TNKS: variants seen among roughly 807,000 people sequenced by gnomAD.
TNKS encodes poly [ADP-ribose] polymerase tankyrase-1.
Under a neutral mutation model 135.8 loss-of-function variants are expected in TNKS, and 72 were observed. The ratio of observed to expected loss-of-function variants is 0.53; its 90% CI spans 0.44 to 0.64. The LOEUF (loss-of-function observed/expected upper bound fraction) is 0.64, where lower values mean the gene tolerates loss of function less well. Among genes scored for constraint, TNKS ranks in the 30% least tolerant of loss-of-function variants. The probability of loss-of-function intolerance (pLI) is 0.00; values close to 1 mark genes in which losing one functional copy is unlikely to be tolerated. For synonymous variants in TNKS, 849 were observed against 649.3 expected (o/e 1.31, Z -4.68); for missense variants, 1,769 against 1,674.0 (o/e 1.06, Z -0.99).
chr8:9,751,946 G>T, intron 19 of TNKS, 100 bp downstream of exon 19: 1 of 1,025,774 alleles, frequency 9.7e-7, no homozygotes. Context: ...AATTAGAGAC[G>T]TCCTGTCTGT....
chr8:9,666,945 A>G (rs944313840), intron 3 of TNKS, among the ~76,000 whole-genome samples: 1 of 152,166 alleles, frequency 6.6e-6, no homozygotes, highest in Admixed American at 6.5e-5. Flanking sequence ...AAGAAATTCT[A>G]TCAAGAAAAG....
rs1805648959 is a variant in TNKS at position 9,735,436 on chromosome 8, G to T, written c.2593G>T (p.Ala865Ser). Residue 865 changes from alanine to serine, a missense_variant, in exon 17 of 27, where the codon GCC (alanine) becomes TCC (serine). Ala to Ser is a moderately conservative substitution (Grantham distance 99, BLOSUM62 1). Around this residue, in one of 5 missense-constraint regions of TNKS, gnomAD observed 722 missense variants for 688.9 expected, o/e 1.05. Transcript: ENST00000310430. ...TCTAGAGCATGGAGCTGATGTTAAT[G>T]CCCAGGACAAGGGTGGTTTAATTCC... ...YLLEHGADVN[A>S]QDKGGLIPLH... 1 of 1,613,958 alleles carries T rather than the reference G, an allele frequency of 6.2e-7. No individual in the cohort carries two copies. Among genetic ancestry groups the T allele is most frequent in the African/African-American group, 1.3e-5 (1 of 74,892 alleles).
intron 1 of TNKS, among the ~76,000 whole-genome samples, chr8:9,577,965 A>G (rs946678884): frequency 1.3e-5 from 2 of 152,198 alleles, no homozygotes; most frequent in African/African-American, 4.8e-5. Context: ...GGAGAAATCA[A>G]CCAAAACAAA....
chr8:9,730,859 T>G, intron 13 of TNKS, 31 bp from the exon 14 acceptor site: 5 of 1,592,220 alleles, frequency 3.1e-6, no homozygotes, highest in Non-Finnish European at 3.4e-6. Context: ...ATGTTCGTTT[T>G]GTGTTTGTCT....
intron 13 of TNKS, among the ~76,000 whole-genome samples, chr8:9,729,728 T>C (rs1319808211): frequency 1.3e-5 from 2 of 151,986 alleles, no homozygotes; most frequent in African/African-American, 4.8e-5. Flanking sequence ...TCTATCAACT[T>C]CTTAGACATA....
chr8:9,704,862 A>C (rs1803977634), intron 6 of TNKS, 105 bp downstream of exon 6: 1 of 782,448 alleles, frequency 1.3e-6, no homozygotes, highest in Non-Finnish European at 2.0e-6. Flanking sequence ...TACGGCTTAC[A>C]TAACGTTTTA....
At chr8:9,562,612 T>C (rs1263211130) in intron 1 of TNKS, among the ~76,000 whole-genome samples, 2 of 152,208 alleles carry the variant, frequency 1.3e-5, no homozygotes, top group East Asian at 3.8e-4. Flanking sequence ...TAAGACATTC[T>C]GACAATCTGT....
chr8:9,657,225 ACGGGGCGGC>A (rs1379731449), intron 3 of TNKS, among the ~76,000 whole-genome samples: 1 of 125,340 alleles, frequency 8.0e-6, no homozygotes, highest in Non-Finnish European at 1.8e-5. Context: ...CACCTCCCGG[ACGGGGCGGC>A]TGGCCGGGCG....
intron 4 of TNKS, 72 bp downstream of exon 4, chr8:9,680,059 T>C (rs1166561214): frequency 1.8e-6 from 2 of 1,084,610 alleles, no homozygotes; most frequent in Non-Finnish European, 2.8e-6. Context: ...GGTGGAGGAC[T>C]ATAAAAAATA....
intron 1 of TNKS, among the ~76,000 whole-genome samples, chr8:9,569,952 T>A (rs1031826760): frequency 6.6e-6 from 1 of 152,202 alleles, no homozygotes; most frequent in African/African-American, 2.4e-5. Flanking sequence ...GCCTTAAATT[T>A]TTTTTGTTTG....
intron 13 of TNKS, 36 bp from the exon 14 acceptor site, chr8:9,730,854 C>A: frequency 6.3e-7 from 1 of 1,586,812 alleles, no homozygotes; most frequent in South Asian, 1.1e-5. Context: ...GAGTAATGTT[C>A]GTTTTGTGTT....
rs80242256 is a variant in TNKS, at chr8:9,563,169, G to C, written c.673+6557G>C. 2.0e-3 allele frequency among the ~76,000 whole-genome samples: 299 copies of C among 151,954 alleles called. 1 individual carries two copies. The highest frequency in any genetic ancestry group is 6.8e-3 in the African/African-American group (282 of 41,466). On this transcript the variant is annotated intron_variant, in intron 1 of 26. Transcript: ENST00000310430. The stretch of plus-strand genomic sequence containing the variant: ...GCCATGTTATGCAGCCATCACCATT[G>C]TCCATTTCCAGAACATTTTTTGTCA...
At chr8:9,581,017 T>C (rs1032593304) in intron 2 of TNKS, among the ~76,000 whole-genome samples, 3 of 152,220 alleles carry the variant, frequency 2.0e-5, no homozygotes, top group African/African-American at 7.2e-5. Flanking sequence ...AAAAAGCTTC[T>C]AGAGGGCAAG....
intron 12 of TNKS, among the ~76,000 whole-genome samples, chr8:9,723,792 C>A (rs949408711): frequency 6.6e-6 from 1 of 152,202 alleles, no homozygotes; most frequent in South Asian, 2.1e-4. Flanking sequence ...AACACTATTT[C>A]TAGCACCACA....
chr8:9,575,880 G>A, intron 1 of TNKS, among the ~76,000 whole-genome samples: 1 of 152,194 alleles, frequency 6.6e-6, no homozygotes, highest in Non-Finnish European at 1.5e-5. Context: ...AAGAAGTGTA[G>A]TGGTAGGAAA....
At chr8:9,749,797 C>G (rs1806425279) in intron 18 of TNKS, among the ~76,000 whole-genome samples, 1 of 152,102 alleles carries the variant, frequency 6.6e-6, no homozygotes, top group Non-Finnish European at 1.5e-5. Flanking sequence ...TAGCTCTTGG[C>G]CATGCCCTCT....
At chr8:9,657,035 C>T (rs1219840040) in intron 3 of TNKS, among the ~76,000 whole-genome samples, 1,337 of 111,714 alleles carry the variant, frequency 0.012, 1 homozygote, top group Middle Eastern at 0.029. Context: ...TACACAGACA[C>T]GGCAACCATC....
intron 11 of TNKS, among the ~76,000 whole-genome samples, chr8:9,720,089 C>G (rs1804798772): frequency 6.6e-6 from 1 of 152,132 alleles, no homozygotes; most frequent in Admixed American, 6.5e-5. Context: ...CCTCCATAGA[C>G]CAGTCTAGTC....
intron 3 of TNKS, among the ~76,000 whole-genome samples, chr8:9,621,838 A>C (rs1799879331): frequency 6.6e-6 from 1 of 152,156 alleles, no homozygotes; most frequent in South Asian, 2.1e-4. Flanking sequence ...TATTAAGAAA[A>C]GTTGTATATT....
Sources: allele counts gnomAD v4.1 joint callset (sites outside exome capture counted in the v4.1 genomes callset), GRCh38; gene constraint gnomAD v4.1.1; regional missense constraint gnomAD v4.1.1; transcripts MANE v1.5; gene names NCBI Gene and HGNC (gene_info 2026-07-23, HGNC 2026-07-21).